Variants in MRC1 observed in about 807,000 individuals in gnomAD.
The protein encoded by MRC1 is mannose receptor C-type 1.
MRC1 carries 62 observed loss-of-function variants against 102.9 expected under a neutral mutation model. The observed-to-expected ratio is 0.60, with a 90% CI of 0.49 to 0.74. The LOEUF (loss-of-function observed/expected upper bound fraction) is 0.74. Ranked by LOEUF, MRC1 falls within the 30% of genes least tolerant of loss-of-function variation. MRC1 has a pLI of 0.00. For synonymous variants in MRC1, 457 were observed against 298.4 expected, an observed-to-expected ratio of 1.53 and a Z score of -5.48; for missense variants, 1,237 against 862.8, an observed-to-expected ratio of 1.43 and a Z score of -5.43.
At chr10:17,887,980 A>G (rs1833624092) in intron 22 of MRC1, among the ~76,000 whole-genome samples, 1 of 151,990 alleles carries the variant, frequency 6.6e-6, no homozygotes, top group Admixed American at 6.5e-5. Flanking sequence ...TTTTTTTTGT[A>G]CTGTTAGTAG....
At chr10:17,905,965 G>T (rs1009725831) in intron 26 of MRC1, among the ~76,000 whole-genome samples, 1 of 152,134 alleles carries the variant, frequency 6.6e-6, no homozygotes, top group Non-Finnish European at 1.5e-5. Flanking sequence ...ATGCTTAAAA[G>T]ATATTAGTTA....
At chr10:17,848,527 G>A (rs1325393624) in intron 6 of MRC1, among the ~76,000 whole-genome samples, 3 of 152,110 alleles carry the variant, frequency 2.0e-5, no homozygotes, top group African/African-American at 7.2e-5. Flanking sequence ...CCTATTAGTA[G>A]CGAGGCTGAG....
At chr10:17,896,918 C>T (rs1420637494) in intron 23 of MRC1, among the ~76,000 whole-genome samples, 1 of 152,174 alleles carries the variant, frequency 6.6e-6, no homozygotes, top group Non-Finnish European at 1.5e-5. Context: ...ATATCTCGAT[C>T]CCTAGACCAG....
chr10:17,862,093 C>T (rs1029745164), intron 10 of MRC1, among the ~76,000 whole-genome samples: 14 of 152,100 alleles, frequency 9.2e-5, no homozygotes, highest in African/African-American at 3.4e-4. Flanking sequence ...AGAAAGTTTA[C>T]AAAAATGGAA....
At position 17,845,285 on chromosome 10, in the gene MRC1, G is replaced by C. The variant is rs782061810; in HGVS notation, c.917-4G>C. ...TCCACTTTAACTTTTCCTTTTCCTC[G>C]AAGGAAGTCCATCAGCTGAACCTGG... On this transcript the variant is annotated splice_region_variant and splice_polypyrimidine_tract_variant and intron_variant, in intron 5 of 29. Transcript: ENST00000569591. The C allele has an allele frequency of 1.2e-5, 9 of 780,606 alleles. No individual in the cohort carries two copies. The highest frequency in any genetic ancestry group is 3.4e-5 in the African/African-American group (2 of 59,074). 48.4% of individuals were successfully genotyped at this position (780,606 alleles called of 1,614,324 possible). A position where few individuals can be genotyped will look rare whatever the true frequency, so the allele number is the denominator to read the frequency against.
intron 27 of MRC1, 36 bp downstream of exon 27, chr10:17,907,035 T>C (rs1833904488): frequency 1.3e-6 from 1 of 778,768 alleles, no homozygotes. Flanking sequence ...ATCACAAATA[T>C]TGTAAAATGT....
rs1384084438 is a variant in MRC1 at position 17,910,909 on chromosome 10, G to A, written c.*444G>A. 1 of 176,410 alleles carries A rather than the reference G, an allele frequency of 5.7e-6. No homozygotes were observed. Among genetic ancestry groups the A allele is most frequent in the Non-Finnish European group, 1.2e-5 (1 of 81,692 alleles). The allele number at this position is 176,410 out of a possible 1,614,324, so 10.9% of individuals were successfully genotyped here. On this transcript the variant is annotated 3_prime_UTR_variant, in exon 30 of 30. Transcript: ENST00000569591. The stretch of plus-strand genomic sequence containing the variant: ...CTCAAGTGGCATAAAAATGTAGTCA[G>A]TTTTCTCTTTTACCAGTTTTTATTT...
rs1051016028 is a variant in MRC1, at chr10:17,852,462, T to C, written c.1250-505T>C. ...GTGATTGATCTTTAACGGAAGTATCTAGAATGTTCTTGATAACAAGAGTCA... is the reference window on the plus strand; with the variant it reads ...GTGATTGATCTTTAACGGAAGTATCCAGAATGTTCTTGATAACAAGAGTCA... On this transcript the variant is annotated intron_variant, in intron 7 of 29. Transcript: ENST00000569591. 2.0e-3 allele frequency among the ~76,000 whole-genome samples: 306 copies of C among 152,344 alleles called. 11 individuals are homozygous for C. In the East Asian group the frequency reaches 0.048, roughly 24 times the overall value.
rs1833821846 is a variant in MRC1, at chr10:17,900,975, G to A, written c.3649+22G>A. On this transcript the variant is annotated intron_variant, in intron 25 of 29. Transcript: ENST00000569591. The stretch of plus-strand genomic sequence containing the variant: ...GATGGTAATTGAATATATAAAAACA[G>A]TCAGGGGATCTGAAAATTTCTGAAT... 4.4e-5 allele frequency: 34 copies of A among 775,982 alleles called. 1 individual carries two copies. The South Asian group carries it at 4.5e-4, about 10-fold the overall frequency. 48.1% of individuals were successfully genotyped at this position (775,982 alleles called of 1,614,324 possible).
In MRC1 at chr10:17,812,712, C is replaced by T. The variant is rs1388830429; in HGVS notation, c.61+3186C>T. ...TCAGCCTCCCGAGTAGCTGGGATTA[C>T]AGGCACCCGCCACCACACCCGGCTA... is the stretch of plus-strand genomic sequence containing the variant. On this transcript the variant is annotated intron_variant, in intron 1 of 29. Transcript: ENST00000569591. Among the ~76,000 whole-genome samples, 4 of 151,744 alleles carry T rather than the reference C, an allele frequency of 2.6e-5. No homozygotes were observed. The East Asian group carries it at 7.8e-4, about 29-fold the overall frequency.
chr10:17,904,432 G>A (rs1456262663), intron 26 of MRC1, among the ~76,000 whole-genome samples: 3 of 152,004 alleles, frequency 2.0e-5, no homozygotes, highest in East Asian at 1.9e-4. Flanking sequence ...TCTTTTTCAC[G>A]ATGTCAGCTC....
chr10:17,902,127 G>T lies in MRC1; in HGVS notation c.3799+5G>T. On this transcript the variant is annotated splice_donor_5th_base_variant and intron_variant, in intron 26 of 29. Coordinates refer to ENST00000569591, the MANE Select transcript of MRC1 (RefSeq NM_002438.4). The stretch of plus-strand genomic sequence containing the variant: ...CTCTGGAATGTCTTCGAATGGGTGA[G>T]TGCCACATTTCCTGAAGGAAAACTC... 1.3e-6 allele frequency: 1 copy of T among 777,838 alleles called. No individual in the cohort carries two copies. The highest frequency in any genetic ancestry group is 2.4e-6 in the Non-Finnish European group (1 of 416,320). The allele number at this position is 777,838 out of a possible 1,614,324, so 48.2% of individuals were successfully genotyped here.
intron 1 of MRC1, among the ~76,000 whole-genome samples, chr10:17,814,087 A>G (rs1838269324): frequency 6.6e-6 from 1 of 152,194 alleles, no homozygotes; most frequent in Non-Finnish European, 1.5e-5. Flanking sequence ...TCAGGGACCC[A>G]TAGCTTCCCA....
At chr10:17,816,440 G>A (rs1242357199) in intron 1 of MRC1, among the ~76,000 whole-genome samples, 1 of 152,156 alleles carries the variant, frequency 6.6e-6, no homozygotes, top group East Asian at 1.9e-4. Flanking sequence ...CTGGGCGACG[G>A]TGTGGAATGG....
chr10:17,881,037 C>CT (rs1468941238), intron 20 of MRC1, 30 bp from the exon 21 acceptor site: 5 of 779,746 alleles, frequency 6.4e-6, no homozygotes, highest in South Asian at 1.3e-5. Context: ...TGCAGTTTTT[C>CT]TTTTTTTCTC....
intron 21 of MRC1, 141 bp downstream of exon 21, chr10:17,881,322 G>T: frequency 4.5e-6 from 3 of 666,636 alleles, no homozygotes; most frequent in South Asian, 3.6e-5. Flanking sequence ...AATGCTTATT[G>T]AAAACTATTT....
chr10:17,841,689 C>A (rs1346260186), intron 5 of MRC1, among the ~76,000 whole-genome samples: 10 of 151,246 alleles, frequency 6.6e-5, no homozygotes, highest in African/African-American at 2.4e-4. Flanking sequence ...CACTTGAGGC[C>A]TTCTATTGGG....
intron 15 of MRC1, 129 bp downstream of exon 15, chr10:17,872,255 T>C (rs1833364596): frequency 1.3e-6 from 1 of 767,060 alleles, no homozygotes; most frequent in Non-Finnish European, 2.4e-6. Flanking sequence ...GTGGCCATCA[T>C]TGCATAGGAT....
chr10:17,829,962 A>AT, intron 3 of MRC1, among the ~76,000 whole-genome samples: 1 of 151,422 alleles, frequency 6.6e-6, no homozygotes, highest in East Asian at 1.9e-4. Context: ...CAAATTATAT[A>AT]TTTTTTCCTG....
Sources: gnomAD v4.1 joint callset for allele counts (sites outside exome capture counted in the v4.1 genomes callset) on GRCh38, gnomAD v4.1.1 for gene constraint, MANE v1.5 for transcripts, NCBI Gene and HGNC (gene_info 2026-07-23, HGNC 2026-07-21) for gene names.